CCDC18: variants seen among roughly 807,000 people sequenced by gnomAD.
The protein encoded by CCDC18 is coiled-coil domain-containing protein 18.
Under a neutral mutation model 196.0 loss-of-function variants are expected in CCDC18, and 157 were observed. That is an observed-to-expected ratio of 0.80 (90% CI 0.70 to 0.91). The LOEUF is 0.91. CCDC18 is among the 40% of genes least tolerant of loss of function. The pLI, the probability that CCDC18 is intolerant of heterozygous loss-of-function variation, is 0.00. For missense variants in CCDC18, 1,465 were observed against 1,611.6 expected (o/e 0.91, Z 1.56); for synonymous variants, 482 against 529.2 (o/e 0.91, Z 1.22).
Position 93,239,837 on chromosome 1 carries a change from G to A in CCDC18, c.2922G>A (p.Lys974=), listed in dbSNP as rs1660528495. ...QLQELRDVLQ[K]AQLSLEEKYT... is the part of the protein sequence containing the mutation. ...AGGAATTGAGAGATGTACTACAGAA[G>A]GCTCAATTATCATTAGAGGAAAAAT... The change falls in exon 21 of 29, where the codon AAG becomes AAA. Residue 974 remains lysine, a synonymous_variant. Transcript: ENST00000690025. The A allele has an allele frequency of 6.2e-7, 1 of 1,613,238 alleles. No homozygotes were observed.
At chr1:93,247,683 T>G (rs1414041629) in intron 23 of CCDC18, among the ~76,000 whole-genome samples, 1 of 152,208 alleles carries the variant, frequency 6.6e-6, no homozygotes. Context: ...CCCAAAGTGC[T>G]GGGATTACAG....
intron 4 of CCDC18, among the ~76,000 whole-genome samples, chr1:93,191,441 C>G (rs1571347961): frequency 6.6e-6 from 1 of 152,264 alleles, no homozygotes; most frequent in East Asian, 1.9e-4. Flanking sequence ...TCTACAGTAC[C>G]TTGTGCCTTC....
chr1:93,210,772 G>T (rs1557631659), intron 9 of CCDC18, 30 bp from the exon 10 acceptor site: 1 of 1,537,346 alleles, frequency 6.5e-7, no homozygotes, highest in Non-Finnish European at 8.9e-7. Context: ...ATTTACATAA[G>T]TTTACATATG....
chr1:93,217,709 T>C (rs1312235391), intron 13 of CCDC18, 29 bp from the exon 14 acceptor site: 1 of 1,572,376 alleles, frequency 6.4e-7, no homozygotes, highest in Admixed American at 1.9e-5. Flanking sequence ...AAATCAATTA[T>C]ACTCCTTTAA....
At chr1:93,250,539 G>C (rs1275949464) in intron 23 of CCDC18, among the ~76,000 whole-genome samples, 1 of 152,050 alleles carries the variant, frequency 6.6e-6, no homozygotes, top group African/African-American at 2.4e-5. Context: ...TGGACAATCT[G>C]TTCATTACTG....
chr1:93,271,147 G>A (rs1043973002), intron 28 of CCDC18: 8 of 985,126 alleles, frequency 8.1e-6, no homozygotes, highest in African/African-American at 1.7e-5. Flanking sequence ...GGAATCCAGA[G>A]AAAGTAGGTT....
chr1:93,241,311 A>C (rs1660745010), intron 21 of CCDC18, among the ~76,000 whole-genome samples: 1 of 152,114 alleles, frequency 6.6e-6, no homozygotes, highest in Non-Finnish European at 1.5e-5. Context: ...TATCCTTAGC[A>C]CAAAGCATCA....
intron 28 of CCDC18, among the ~76,000 whole-genome samples, chr1:93,274,040 G>A (rs1459862366): frequency 6.6e-6 from 1 of 152,120 alleles, no homozygotes; most frequent in Non-Finnish European, 1.5e-5. Flanking sequence ...TTACATAATT[G>A]TATTGGTATT....
intron 4 of CCDC18, chr1:93,190,916 C>CAT (rs1226323146): frequency 1.3e-6 from 1 of 763,728 alleles, no homozygotes; most frequent in East Asian, 2.7e-5. Context: ...GTCTGCCCAC[C>CAT]ATAACCACTC....
At chr1:93,185,405 G>C (rs1025164875) in intron 3 of CCDC18, among the ~76,000 whole-genome samples, 1 of 151,864 alleles carries the variant, frequency 6.6e-6, no homozygotes, top group Non-Finnish European at 1.5e-5. Context: ...ATGAAATTAG[G>C]CATTGTTTAT....
rs1238216479 is a variant in CCDC18, at chr1:93,270,754, A to T, written c.4293A>T (p.Ile1431=). 10 of 1,548,732 alleles carry T rather than the reference A, an allele frequency of 6.5e-6. No homozygotes were observed. Among genetic ancestry groups the T allele is most frequent in the Non-Finnish European group, 8.7e-6 (10 of 1,146,398 alleles). Residue 1431 remains isoleucine (I), a synonymous_variant, in exon 28 of 29, where the codon ATA becomes ATT. Coordinates refer to ENST00000690025, the MANE Select transcript of CCDC18 (RefSeq NM_001378204.1). ...CGCTTAGTGGGATGCTAAGATACAT[A>T]AACAAAGAAGTAAGACTATTAAAAA... ...FNTLSGMLRY[I]NKEVRLLKKS...
chr1:93,214,558 G>A (rs1164825295), intron 11 of CCDC18, among the ~76,000 whole-genome samples, 185 bp from the exon 12 acceptor site: 5 of 152,116 alleles, frequency 3.3e-5, no homozygotes, highest in Admixed American at 2.0e-4. Flanking sequence ...TCTTTGTTAC[G>A]TATTTAATTT....
chr1:93,195,101 C>T (rs769905847), intron 6 of CCDC18, among the ~76,000 whole-genome samples: 3 of 152,164 alleles, frequency 2.0e-5, no homozygotes, highest in Non-Finnish European at 2.9e-5. Context: ...AAACTCCTGA[C>T]CTCAAGTGAT....
At chr1:93,245,092 T>C (rs1270558278) in intron 21 of CCDC18, among the ~76,000 whole-genome samples, 1 of 152,170 alleles carries the variant, frequency 6.6e-6, no homozygotes, top group Non-Finnish European at 1.5e-5. Context: ...ATCAGAGACA[T>C]TTATCTTTTT....
At position 93,246,924 on chromosome 1, in the gene CCDC18, A is replaced by G; in HGVS notation, c.3168A>G (p.Ser1056=). Residue 1056 remains serine, a synonymous_variant, in exon 23 of 29, where the codon TCA becomes TCG. Transcript: ENST00000690025. ...IIKLEGTLEK[S]ELELKECNKQ... ...AATTAGAAGGTACTCTGGAGAAATC[A>G]GAATTGGAACTTAAAGAATGTAACA... The G allele has an allele frequency of 7.0e-7, 1 of 1,427,004 alleles. No homozygotes were observed. The highest frequency in any genetic ancestry group is 1.2e-5 in the South Asian group (1 of 80,168). The allele number at this position is 1,427,004 out of a possible 1,614,324, so 88.4% of individuals were successfully genotyped here.
In CCDC18 at chr1:93,224,350, G is replaced by A. The variant is rs576387183; in HGVS notation, c.2176-1983G>A. Among the ~76,000 whole-genome samples the A allele has an allele frequency of 1.5e-4, 23 of 152,242 alleles. 1 individual carries two copies. In the South Asian group the frequency reaches 4.3e-3, roughly 29 times the overall value. On this transcript the variant is annotated intron_variant, in intron 16 of 28. Transcript: ENST00000690025. ...CTCCTGTGAACAGAGAATTTCTTCT[G>A]TATGGCCACACCACCACTACACTAC...
At chr1:93,265,076 T>G in intron 27 of CCDC18, 175 bp downstream of exon 27, 2 of 545,420 alleles carry the variant, frequency 3.7e-6, no homozygotes, top group Non-Finnish European at 6.6e-6. Context: ...GATGTACATC[T>G]TATTACCGTA....
At position 93,247,197 on chromosome 1, in the gene CCDC18, G is replaced by A. The variant is rs186458048; in HGVS notation, c.3198+243G>A. On this transcript the variant is annotated intron_variant, in intron 23 of 28. Transcript: ENST00000690025. ...TGCCTCGGTCTCCCCAAAGCTTTGG[G>A]ATTACAGGCGTGAGCGACCACACTC... is the stretch of plus-strand genomic sequence containing the variant. Among the ~76,000 whole-genome samples, 648 of 152,028 alleles carry A rather than the reference G, an allele frequency of 4.3e-3. 1 individual carries two copies. Among genetic ancestry groups the A allele is most frequent in the Middle Eastern group, 0.01 (3 of 294 alleles).
chr1:93,226,786 G>A (rs552652227), intron 17 of CCDC18, among the ~76,000 whole-genome samples: 10 of 152,106 alleles, frequency 6.6e-5, no homozygotes, highest in East Asian at 5.8e-4. Context: ...CACCCACCTC[G>A]GCCTCCCAAA....
Sources: gnomAD v4.1 joint callset for allele counts (sites outside exome capture counted in the v4.1 genomes callset) on GRCh38, gnomAD v4.1.1 for gene constraint, MANE v1.5 for transcripts, NCBI Gene and HGNC (gene_info 2026-07-23, HGNC 2026-07-21) for gene names.